The following GRM4 variants were observed in gnomAD, a reference collection of about 807,000 sequenced individuals.
The protein encoded by GRM4 is glutamate metabotropic receptor 4.
A neutral mutation model predicts 81.7 loss-of-function variants in GRM4; 28 were observed. The ratio of observed to expected loss-of-function variants is 0.34; its 90% CI spans 0.25 to 0.47. The LOEUF is 0.47. GRM4 is among the 20% of genes least tolerant of loss of function. GRM4 has a pLI of 1.00. For missense variants in GRM4, 948 were observed against 1,290.0 expected (o/e 0.73, Z 4.06); for synonymous variants, 488 against 528.8 (o/e 0.92, Z 1.06).
At chr6:34,155,302 G>A (rs1372504923) in exon 1 of GRM4, 1 of 1,531,446 alleles carries the variant, frequency 6.5e-7, no homozygotes, top group Non-Finnish European at 8.7e-7. Flanking sequence ...TGGGGTACAG[G>A]GGTGGGGTGC....
intron 2 of GRM4, among the ~76,000 whole-genome samples, chr6:34,108,345 C>T (rs193220401): frequency 1.4e-4 from 21 of 152,374 alleles, no homozygotes; most frequent in Non-Finnish European, 2.4e-4. Context: ...GCACTGCTTA[C>T]GCATTGATTT....
chr6:34,041,885 A>G (rs1765034270), intron 6 of GRM4, among the ~76,000 whole-genome samples: 1 of 152,236 alleles, frequency 6.6e-6, no homozygotes, highest in African/African-American at 2.4e-5. Context: ...CAGGCATTGT[A>G]CGGAACTCTT....
At position 34,022,951 on chromosome 6, in the gene GRM4, C is replaced by G; in HGVS notation, c.2690-81G>C. 1 of 1,076,748 alleles carries G rather than the reference C, an allele frequency of 9.3e-7. No homozygotes were observed. The allele number at this position is 1,076,748 out of a possible 1,614,324, so 66.7% of individuals were successfully genotyped here. A position where few individuals can be genotyped will look rare whatever the true frequency, so the allele number is the denominator to read the frequency against. ...GTCCTTCCACATGGGCACAGCCCTGCACAAGAACCTACCATAGCTCCCCGC... is the reference window on the plus strand; with the variant it reads ...GTCCTTCCACATGGGCACAGCCCTGGACAAGAACCTACCATAGCTCCCCGC... On this transcript the variant is annotated intron_variant, in intron 10 of 10. Transcript: ENST00000538487. This position sits in a 1 kb window ranked among gnomAD's most constrained non-coding sequence, Gnocchi z 5.6.
chr6:34,051,703 C>A (rs1316141903), intron 6 of GRM4, among the ~76,000 whole-genome samples: 1 of 152,162 alleles, frequency 6.6e-6, no homozygotes, highest in Admixed American at 6.5e-5. Context: ...AGATGCCCCT[C>A]TTGGTGACCC....
intron 2 of GRM4, among the ~76,000 whole-genome samples, chr6:34,104,906 C>T (rs1011455664): frequency 2.0e-5 from 3 of 152,090 alleles, no homozygotes; most frequent in African/African-American, 4.8e-5. Flanking sequence ...TCACACAGGC[C>T]GTGGGAGGCA....
rs1770468420 is a variant in GRM4 at position 34,136,600 on chromosome 6, A to ACACACACG, written c.-363-2742_-363-2741insCGTGTGTG. 7.0e-6 allele frequency among the ~76,000 whole-genome samples: 1 copy of ACACACACG among 142,956 alleles called. No homozygotes were observed. Among genetic ancestry groups the ACACACACG allele is most frequent in the African/African-American group, 2.5e-5 (1 of 40,466 alleles). The allele number at this position is 142,956 out of a possible 152,430, so 93.8% of individuals were successfully genotyped here. A position where few individuals can be genotyped will look rare whatever the true frequency, so the allele number is the denominator to read the frequency against. On this transcript the variant is annotated intron_variant, in intron 1 of 10. Coordinates refer to ENST00000538487, the MANE Select transcript of GRM4 (RefSeq NM_000841.4). The surrounding 1 kb of genome is among the most constrained non-coding windows in gnomAD (Gnocchi z 4.1). ...CACACACACACACACACACACACAC[A>ACACACACG]CACACGGGGAAGGACAGATGCCATG...
chr6:34,087,807 C>T, intron 3 of GRM4, among the ~76,000 whole-genome samples: 3 of 147,250 alleles, frequency 2.0e-5, no homozygotes. Context: ...CCTACACACA[C>T]ACACACACAC....
At chr6:34,131,109 CCTTTT>C (rs1345566620) in intron 2 of GRM4, among the ~76,000 whole-genome samples, 1 of 152,228 alleles carries the variant, frequency 6.6e-6, no homozygotes, top group Non-Finnish European at 1.5e-5. Flanking sequence ...CTCCTCCTCT[CCTTTT>C]GTCTCCAGTC....
chr6:34,130,521 C>T lies in GRM4; in HGVS notation c.519+2457G>A, dbSNP rs1474462728. On this transcript the variant is annotated intron_variant, in intron 2 of 10. Transcript: ENST00000538487. This position sits in a 1 kb window ranked among gnomAD's most constrained non-coding sequence, Gnocchi z 4.1. ...CCCCAGGATGGTAAGGCTCTTCACCCCAGGCCCCTCACCCCACCCTGGCCC... is the reference window on the plus strand; with the variant it reads ...CCCCAGGATGGTAAGGCTCTTCACCTCAGGCCCCTCACCCCACCCTGGCCC... Among the ~76,000 whole-genome samples, 1 of 152,196 alleles carries T rather than the reference C, an allele frequency of 6.6e-6. No homozygotes were observed. The highest frequency in any genetic ancestry group is 1.5e-5 in the Non-Finnish European group (1 of 68,038).
At chr6:34,110,856 C>T in intron 2 of GRM4, 2 of 1,332,568 alleles carry the variant, frequency 1.5e-6, no homozygotes, top group Non-Finnish European at 1.9e-6. Flanking sequence ...CCAGCTCAGG[C>T]CTGGAGGTGA....
At chr6:34,103,750 C>T in intron 2 of GRM4, 1 of 1,479,810 alleles carries the variant, frequency 6.8e-7, no homozygotes, top group Non-Finnish European at 8.9e-7. Flanking sequence ...AGGTGAGAAG[C>T]TGCCTCGCTG....
chr6:34,143,524 TC>T (rs1309527830), intron 1 of GRM4, among the ~76,000 whole-genome samples: 1 of 152,142 alleles, frequency 6.6e-6, no homozygotes, highest in Non-Finnish European at 1.5e-5. Flanking sequence ...TTCTGCCACC[TC>T]CGAAAGGGCT....
At chr6:34,096,963 C>T (rs1768556072) in intron 2 of GRM4, among the ~76,000 whole-genome samples, 1 of 151,814 alleles carries the variant, frequency 6.6e-6, no homozygotes, top group Admixed American at 6.6e-5. Context: ...CACGTGGGCA[C>T]ACGGGCTAGA....
Position 34,092,157 on chromosome 6 carries a change from G to T in GRM4, c.520-58C>A. The T allele has an allele frequency of 8.3e-7, 1 of 1,207,886 alleles. No homozygotes were observed. Among genetic ancestry groups the T allele is most frequent in the Non-Finnish European group, 1.2e-6 (1 of 833,008 alleles). The allele number at this position is 1,207,886 out of a possible 1,614,324, so 74.8% of individuals were successfully genotyped here. The stretch of plus-strand genomic sequence containing the variant: ...ACTGGCTCCCCACCCTGCCTAGCCA[G>T]CCCCATTCCCCTACACACCAACCTC... On this transcript the variant is annotated intron_variant, in intron 2 of 10. Transcript: ENST00000538487. This position sits in a 1 kb window ranked among gnomAD's most constrained non-coding sequence, Gnocchi z 6.8.
chr6:34,066,439 T>C (rs549009199), intron 3 of GRM4, among the ~76,000 whole-genome samples: 2 of 152,266 alleles, frequency 1.3e-5, no homozygotes, highest in South Asian at 4.1e-4. Flanking sequence ...TGCAGCAGGA[T>C]TTAGATTTTA....
Position 34,048,849 on chromosome 6 carries a change from G to C in GRM4, c.1168+7695C>G, listed in dbSNP as rs1056294335. Among the ~76,000 whole-genome samples the C allele has an allele frequency of 2.0e-5, 3 of 152,016 alleles. No individual in the cohort carries two copies. The highest frequency in any genetic ancestry group is 4.4e-5 in the Non-Finnish European group (3 of 68,006). Reference sequence around the variant, plus strand: ...TTCCTCTTCGCCTTCCACCATGATTGTAAGTTTCCTGAGGCCTCCCAGTCG... The same window carrying C: ...TTCCTCTTCGCCTTCCACCATGATTCTAAGTTTCCTGAGGCCTCCCAGTCG... On this transcript the variant is annotated intron_variant, in intron 6 of 10. Transcript: ENST00000538487. The surrounding 1 kb of genome is among the most constrained non-coding windows in gnomAD (Gnocchi z 4.0).
intron 5 of GRM4, among the ~76,000 whole-genome samples, chr6:34,058,493 C>G (rs915702269): frequency 1.3e-5 from 2 of 152,176 alleles, no homozygotes; most frequent in Admixed American, 1.3e-4. Context: ...CCAAATCAGG[C>G]CATTAACGAG....
At chr6:34,037,732 G>A (rs777182690) in intron 8 of GRM4, among the ~76,000 whole-genome samples, 10 of 151,970 alleles carry the variant, frequency 6.6e-5, no homozygotes, top group African/African-American at 1.7e-4. Context: ...GTGTGGTGGC[G>A]TGCACCTATA....
At chr6:34,044,385 GACAT>G (rs1369569399) in intron 6 of GRM4, among the ~76,000 whole-genome samples, 53 of 116,460 alleles carry the variant, frequency 4.6e-4, no homozygotes, top group African/African-American at 1.2e-3. Flanking sequence ...CACACACATA[GACAT>G]ACATACATAC....
Sources: gnomAD v4.1 joint callset for allele counts (sites outside exome capture counted in the v4.1 genomes callset) on GRCh38, gnomAD v4.1.1 for gene constraint, Gnocchi (gnomAD v3.1) non-coding constraint, MANE v1.5 for transcripts, NCBI Gene and HGNC (gene_info 2026-07-23, HGNC 2026-07-21) for gene names.